The following PDE4D variants were observed in gnomAD, a reference collection of about 807,000 sequenced individuals.
The protein encoded by PDE4D is phosphodiesterase 4D, also known as 3',5'-cyclic-AMP phosphodiesterase 4D.
In PDE4D, 24 loss-of-function variants were observed where a neutral mutation model predicts 87.4. That is an observed-to-expected ratio of 0.27 (90% CI 0.20 to 0.39). PDE4D has a LOEUF of 0.39. Among genes scored for constraint, PDE4D ranks in the 10% least tolerant of loss-of-function variants. The probability of loss-of-function intolerance (pLI) is 1.00; values close to 1 mark genes in which losing one functional copy is unlikely to be tolerated. For missense variants in PDE4D, 714 were observed against 1,041.0 expected (o/e 0.69, Z 4.32); for synonymous variants, 384 against 383.2 (o/e 1.00, Z -0.02).
At chr5:60,091,291 A>G (rs1775082687) in intron 2 of PDE4D, among the ~76,000 whole-genome samples, 1 of 152,192 alleles carries the variant, frequency 6.6e-6, no homozygotes, top group Non-Finnish European at 1.5e-5. Context: ...CAAGGTAAAA[A>G]AGTACATAAT....
intron 7 of PDE4D, 109 bp downstream of exon 7, chr5:58,993,263 T>G (rs1331311801): frequency 3.4e-6 from 2 of 579,796 alleles, no homozygotes; most frequent in Non-Finnish European, 6.1e-6. Flanking sequence ...CAAATAGAAC[T>G]TCTAACACTT....
intron 1 of PDE4D, among the ~76,000 whole-genome samples, chr5:59,804,828 G>C (rs1325373856): frequency 2.6e-5 from 4 of 152,070 alleles, no homozygotes; most frequent in African/African-American, 9.7e-5. Flanking sequence ...ATCTCGCTCT[G>C]TCACCCAGGC....
intron 1 of PDE4D, among the ~76,000 whole-genome samples, chr5:59,689,749 G>A (rs545532577): frequency 1.3e-5 from 2 of 152,152 alleles, no homozygotes; most frequent in East Asian, 1.9e-4. Context: ...AGAAATAAAG[G>A]GTATTCAATT....
chr5:59,463,133 G>A (rs910983405), intron 1 of PDE4D, among the ~76,000 whole-genome samples: 4 of 152,126 alleles, frequency 2.6e-5, no homozygotes, highest in African/African-American at 9.7e-5. Flanking sequence ...GGAGTTGGAT[G>A]AAATGAAATA....
At chr5:60,324,034 C>G (rs191247306) in intron 1 of PDE4D, among the ~76,000 whole-genome samples, 24 of 152,162 alleles carry the variant, frequency 1.6e-4, no homozygotes, top group African/African-American at 4.8e-4. Context: ...TTTCTATGAA[C>G]GTTTGATTAA....
At position 60,037,311 on chromosome 5, in the gene PDE4D, A is replaced by G. The variant is rs571500549; in HGVS notation, c.43-48594T>C. On this transcript the variant is annotated intron_variant, in intron 2 of 16. Coordinates refer to the PDE4D transcript ENST00000502484. ...GTATAGAAACAAAGCTCATTTGAAC[A>G]TAACATTTCAATGGAAAAAAGGATG... 2.0e-5 allele frequency among the ~76,000 whole-genome samples: 3 copies of G among 152,346 alleles called. No individual in the cohort carries two copies. The South Asian group carries it at 6.2e-4, about 32-fold the overall frequency.
At chr5:59,615,701 G>A (rs1320766159) in intron 1 of PDE4D, among the ~76,000 whole-genome samples, 1 of 152,144 alleles carries the variant, frequency 6.6e-6, no homozygotes, top group Non-Finnish European at 1.5e-5. Context: ...AGTAGCTGGG[G>A]TAATCTGATC....
chr5:60,048,696 C>T (rs1006738341), intron 2 of PDE4D, among the ~76,000 whole-genome samples: 3 of 151,822 alleles, frequency 2.0e-5, no homozygotes, highest in Admixed American at 6.6e-5. Context: ...TATTGGCCCC[C>T]ACTCTCTTCT....
At chr5:60,158,005 C>T (rs1562164180) in intron 2 of PDE4D, among the ~76,000 whole-genome samples, 1 of 151,242 alleles carries the variant, frequency 6.6e-6, no homozygotes, top group African/African-American at 2.4e-5. Context: ...ATCCTATATC[C>T]TATTTCCCAT....
At chr5:59,318,955 T>C (rs1774222369) in intron 1 of PDE4D, among the ~76,000 whole-genome samples, 1 of 152,144 alleles carries the variant, frequency 6.6e-6, no homozygotes, top group African/African-American at 2.4e-5. Flanking sequence ...ATAGCCCTTC[T>C]GTTCATTGCA....
chr5:59,993,525 C>G (rs550768821), intron 2 of PDE4D, among the ~76,000 whole-genome samples: 14 of 151,928 alleles, frequency 9.2e-5, no homozygotes, highest in Non-Finnish European at 1.9e-4. Context: ...TAGAGTGCTC[C>G]CATTTTTATA....
intron 1 of PDE4D, among the ~76,000 whole-genome samples, chr5:59,524,591 A>C (rs1393609329): frequency 6.6e-6 from 1 of 152,266 alleles, no homozygotes; most frequent in Non-Finnish European, 1.5e-5. Flanking sequence ...CCAGCTGCAG[A>C]AATTTGCATA....
chr5:59,584,017 C>T (rs1230075957), intron 1 of PDE4D, among the ~76,000 whole-genome samples: 1 of 152,196 alleles, frequency 6.6e-6, no homozygotes, highest in Non-Finnish European at 1.5e-5. Context: ...TCGGTCCCTT[C>T]ACGAAGAAAA....
At chr5:59,560,184 G>A (rs1276716774) in intron 1 of PDE4D, among the ~76,000 whole-genome samples, 5 of 152,170 alleles carry the variant, frequency 3.3e-5, no homozygotes, top group African/African-American at 1.2e-4. Flanking sequence ...GTGACACCAT[G>A]TTTTTAAACA....
At chr5:59,031,392 T>TATTATATATATATATATATATATATATTA in intron 6 of PDE4D, among the ~76,000 whole-genome samples, 1 of 34,272 alleles carries the variant, frequency 2.9e-5, no homozygotes, top group East Asian at 1.3e-3. Context: ...TATATATATA[T>TATTATATATATATATATATATATATATTA]TATATATATA....
intron 1 of PDE4D, among the ~76,000 whole-genome samples, chr5:59,763,986 C>T (rs1254835597): frequency 1.3e-5 from 2 of 152,096 alleles, no homozygotes; most frequent in Non-Finnish European, 2.9e-5. Flanking sequence ...GTTGGGAGAA[C>T]TGGAGGAACC....
intron 1 of PDE4D, among the ~76,000 whole-genome samples, chr5:59,308,089 T>C (rs1344083935): frequency 1.3e-5 from 2 of 151,996 alleles, no homozygotes; most frequent in African/African-American, 4.8e-5. Flanking sequence ...GAAATCATCA[T>C]TCTCAGTAAA....
rs569982343 is a variant in PDE4D, at chr5:60,134,006, CT to C, written c.42+51550del. On this transcript the variant is annotated intron_variant, in intron 2 of 16. Coordinates refer to the PDE4D transcript ENST00000502484. ...TGTTGCCAGTAAAAATCATAGATAC[CT>C]TCTTATCTCATTAGACTTCTTGCAA... Among the ~76,000 whole-genome samples the C allele has an allele frequency of 1.2e-3, 184 of 152,106 alleles. 1 individual carries two copies. The highest frequency in any genetic ancestry group is 4.2e-3 in the African/African-American group (173 of 41,502).
intron 1 of PDE4D, among the ~76,000 whole-genome samples, chr5:59,863,988 G>T (rs1273110064): frequency 3.3e-5 from 5 of 152,148 alleles, no homozygotes; most frequent in Admixed American, 2.6e-4. Context: ...CCTGCGTGTA[G>T]TATTCATGGG....
Sources: gnomAD v4.1 joint callset for allele counts (sites outside exome capture counted in the v4.1 genomes callset) on GRCh38, gnomAD v4.1.1 for gene constraint, MANE v1.5 for transcripts, NCBI Gene and HGNC (gene_info 2026-07-23, HGNC 2026-07-21) for gene names.